The following RFC3 variants were observed in gnomAD, a reference collection of about 807,000 sequenced individuals.
RFC3 encodes the protein replication factor C subunit 3.
RFC3 carries 41 observed loss-of-function variants against 45.1 expected under a neutral mutation model. The ratio of observed to expected loss-of-function variants is 0.91; its 90% CI spans 0.71 to 1.18. The LOEUF is 1.18. Ranked by LOEUF, RFC3 falls within the 50% of genes most tolerant of loss-of-function variation. RFC3 has a pLI of 0.00. For missense variants in RFC3, 423 were observed against 428.1 expected (o/e 0.99, Z 0.10); for synonymous variants, 149 against 144.0 (o/e 1.03, Z -0.25).
intron 8 of RFC3, among the ~76,000 whole-genome samples, chr13:33,964,474 A>G (rs2083075795): frequency 6.6e-6 from 1 of 152,154 alleles, no homozygotes; most frequent in South Asian, 2.1e-4. Flanking sequence ...GAGTTTCACA[A>G]GGTTGATTTT....
At chr13:33,963,466 A>C (rs945672120) in intron 8 of RFC3, among the ~76,000 whole-genome samples, 1 of 152,248 alleles carries the variant, frequency 6.6e-6, no homozygotes, top group Non-Finnish European at 1.5e-5. Flanking sequence ...AAGATACTGT[A>C]GTTGCTGAGA....
intron 8 of RFC3, among the ~76,000 whole-genome samples, chr13:33,865,484 A>G (rs9315260): frequency 0.064 from 9,615 of 151,172 alleles, 622 homozygotes; most frequent in East Asian, 0.16. Context: ...AGAAAAGAGT[A>G]ACAGGACTTT....
intron 8 of RFC3, among the ~76,000 whole-genome samples, chr13:33,858,074 A>G (rs2082318563): frequency 6.6e-6 from 1 of 152,242 alleles, no homozygotes; most frequent in Non-Finnish European, 1.5e-5. Flanking sequence ...TAATTTCTAT[A>G]TTGTGAAATA....
At chr13:33,958,795 G>T (rs575712244) in intron 8 of RFC3, among the ~76,000 whole-genome samples, 31 of 152,148 alleles carry the variant, frequency 2.0e-4, no homozygotes, top group Non-Finnish European at 3.7e-4. Flanking sequence ...CATCCTGGCT[G>T]CCCTCTGCAT....
intron 8 of RFC3, among the ~76,000 whole-genome samples, chr13:33,903,996 T>C (rs1400236110): frequency 6.6e-6 from 1 of 152,152 alleles, no homozygotes; most frequent in Non-Finnish European, 1.5e-5. Context: ...CCTGAATTTA[T>C]GTGTGCATGC....
In RFC3 at chr13:33,821,258, C is replaced by T; in HGVS notation, c.214C>T (p.Gln72Ter). ...AGTGGAAAAATTGAGAATTGAACAT[C>T]AGACCATCACAGTAAGCATTTCACT... ...VGVEKLRIEH[Q>*]TITTPSKKKI... Residue 72 changes from glutamine to a stop codon, truncating the protein, a stop_gained, in exon 2 of 9, where the codon CAG becomes TAG. Coordinates refer to ENST00000380071, the MANE Select transcript of RFC3 (RefSeq NM_002915.4). LOFTEE classifies it high-confidence loss of function. 1.2e-6 allele frequency: 2 copies of T among 1,613,196 alleles called. No homozygotes were observed. The highest frequency in any genetic ancestry group is 1.7e-6 in the Non-Finnish European group (2 of 1,179,390).
chr13:33,853,235 A>T (rs75650368), intron 8 of RFC3, among the ~76,000 whole-genome samples: 1 of 152,228 alleles, frequency 6.6e-6, no homozygotes. Flanking sequence ...TAGAATCCCA[A>T]ATTGGCTCTG....
intron 1 of RFC3, among the ~76,000 whole-genome samples, chr13:33,819,685 T>A (rs1260055015): frequency 6.6e-6 from 1 of 152,234 alleles, no homozygotes; most frequent in Non-Finnish European, 1.5e-5. Flanking sequence ...TCAGTTTTCC[T>A]AGTGATAGAA....
intron 8 of RFC3, among the ~76,000 whole-genome samples, chr13:33,869,193 G>A (rs139004724): frequency 6.6e-6 from 1 of 152,292 alleles, no homozygotes; most frequent in Non-Finnish European, 1.5e-5. Context: ...TGGATTCTCT[G>A]GCCTTTTTGC....
chr13:33,895,833 G>A (rs969604234), intron 8 of RFC3, among the ~76,000 whole-genome samples: 30 of 152,166 alleles, frequency 2.0e-4, no homozygotes, highest in African/African-American at 5.8e-4. Flanking sequence ...CCATAAAAAC[G>A]AACAAAAAAT....
At chr13:33,832,215 A>G (rs1274519574) in intron 7 of RFC3, among the ~76,000 whole-genome samples, 2 of 152,284 alleles carry the variant, frequency 1.3e-5, no homozygotes, top group East Asian at 3.9e-4. Flanking sequence ...ACTTGGCTAA[A>G]GCACAGTCTC....
At chr13:33,875,811 C>G (rs1025820815) in intron 8 of RFC3, among the ~76,000 whole-genome samples, 3 of 152,090 alleles carry the variant, frequency 2.0e-5, no homozygotes, top group African/African-American at 4.8e-5. Context: ...CTGTCACTTA[C>G]AGACGGGACG....
intron 8 of RFC3, among the ~76,000 whole-genome samples, chr13:33,928,504 A>G (rs1437976238): frequency 1.3e-5 from 2 of 152,070 alleles, no homozygotes; most frequent in African/African-American, 2.4e-5. Flanking sequence ...ATTCACGGGT[A>G]TACACAAATT....
chr13:33,853,272 CCTGA>C (rs755701810), intron 8 of RFC3, among the ~76,000 whole-genome samples: 3 of 152,066 alleles, frequency 2.0e-5, no homozygotes, highest in Non-Finnish European at 4.4e-5. Flanking sequence ...AAGTTCTAAC[CCTGA>C]CTTGCTATCT....
intron 8 of RFC3, among the ~76,000 whole-genome samples, chr13:33,859,504 CTA>C (rs749080279): frequency 3.0e-4 from 45 of 152,036 alleles, no homozygotes; most frequent in Admixed American, 1.4e-3. Context: ...ATAAAAGTGA[CTA>C]TGTATAGAGA....
At chr13:33,891,504 AG>A (rs1214656730) in intron 8 of RFC3, among the ~76,000 whole-genome samples, 1 of 152,206 alleles carries the variant, frequency 6.6e-6, no homozygotes, top group Non-Finnish European at 1.5e-5. Flanking sequence ...GAAGACAAAA[AG>A]GTACTTAGTG....
intron 8 of RFC3, among the ~76,000 whole-genome samples, chr13:33,913,988 G>A (rs1273403192): frequency 6.9e-6 from 1 of 145,208 alleles, no homozygotes; most frequent in Non-Finnish European, 1.5e-5. Flanking sequence ...TAAGTGATAT[G>A]CTCATGTAAT....
intron 8 of RFC3, among the ~76,000 whole-genome samples, chr13:33,844,861 C>T (rs1322255979): frequency 3.3e-5 from 5 of 152,172 alleles, no homozygotes; most frequent in Admixed American, 6.5e-5. Context: ...TATGTACTTA[C>T]TATTGCCAGT....
At chr13:33,864,370 C>G (rs535366273) in intron 8 of RFC3, among the ~76,000 whole-genome samples, 2 of 152,190 alleles carry the variant, frequency 1.3e-5, no homozygotes, top group East Asian at 3.9e-4. Flanking sequence ...CTAGGCCTAC[C>G]TAGAATATCC....
Sources: gnomAD v4.1 joint callset for allele counts (sites outside exome capture counted in the v4.1 genomes callset) on GRCh38, gnomAD v4.1.1 for gene constraint, MANE v1.5 for transcripts, NCBI Gene and HGNC (gene_info 2026-07-23, HGNC 2026-07-21) for gene names.